Variants in PRIM2 observed in about 807,000 individuals in gnomAD.
PRIM2 encodes DNA primase large subunit.
Under a neutral mutation model 67.3 loss-of-function variants are expected in PRIM2, and 39 were observed. The observed-to-expected ratio is 0.58, with a 90% CI of 0.45 to 0.76. The LOEUF is 0.76. Among genes scored for constraint, PRIM2 ranks in the 30% least tolerant of loss-of-function variants. The pLI is 0.00. For synonymous variants in PRIM2, 143 were observed against 198.7 expected, an observed-to-expected ratio of 0.72 and a Z score of 2.36; for missense variants, 398 against 598.7, an observed-to-expected ratio of 0.66 and a Z score of 3.50.
chr6:57,631,242 A>G (rs1282701437), intron 12 of PRIM2, among the ~76,000 whole-genome samples: 5 of 152,154 alleles, frequency 3.3e-5, no homozygotes, highest in African/African-American at 9.7e-5. Context: ...TTTAAAACAT[A>G]AAAAAGGAAT....
chr6:57,410,331 C>CAAAAA (rs66631802), intron 7 of PRIM2, among the ~76,000 whole-genome samples: 10 of 105,328 alleles, frequency 9.5e-5, no homozygotes, highest in African/African-American at 1.7e-4. Flanking sequence ...AACGCCATCT[C>CAAAAA]AAAAAAAAAA....
rs551948012 is a variant in PRIM2 at position 57,348,568 on chromosome 6, A to G, written c.459+22523A>G. Among the ~76,000 whole-genome samples the G allele has an allele frequency of 2.6e-5, 4 of 152,214 alleles. No individual in the cohort carries two copies. The South Asian group carries it at 6.2e-4, about 24-fold the overall frequency. ...TGGTTCAGTCCAGTAGTTCTGGACT[A>G]TAGGGGTTATAGTCACCCCTGCTGG... On this transcript the variant is annotated intron_variant, in intron 5 of 13. Transcript: ENST00000615550.
chr6:57,271,999 G>C, the PRIM2 span, among the ~76,000 whole-genome samples: 1 of 152,140 alleles, frequency 6.6e-6, no homozygotes, highest in Non-Finnish European at 1.5e-5. Context: ...GAGACAGTTT[G>C]TTATAATTTC....
chr6:57,521,060 T>A (rs1432818485), intron 8 of PRIM2, among the ~76,000 whole-genome samples: 1 of 152,208 alleles, frequency 6.6e-6, no homozygotes, highest in Non-Finnish European at 1.5e-5. Context: ...GGAAAAATAA[T>A]CTACATTCAA....
chr6:57,473,826 A>G lies in PRIM2; in HGVS notation c.694-33561A>G, dbSNP rs1773396912. Among the ~76,000 whole-genome samples, 3 of 152,124 alleles carry G rather than the reference A, an allele frequency of 2.0e-5. No homozygotes were observed. In the South Asian group the frequency reaches 6.2e-4, roughly 31 times the overall value. ...TCTGAGGAATATCTAGTCTAAGTCT[A>G]AGGTCTCTTTGCTAAACTTGAATAA... On this transcript the variant is annotated intron_variant, in intron 7 of 13. Transcript: ENST00000615550.
intron 13 of PRIM2, 132 bp from the exon 14 acceptor site, chr6:57,645,796 T>C (rs1777324052): frequency 3.2e-6 from 2 of 617,976 alleles, no homozygotes; most frequent in South Asian, 2.0e-5. Flanking sequence ...GCTGATTAAG[T>C]GTTAGAATGC....
At chr6:57,259,035 A>T in the PRIM2 span, among the ~76,000 whole-genome samples, 1 of 152,338 alleles carries the variant, frequency 6.6e-6, no homozygotes, top group East Asian at 1.9e-4. Flanking sequence ...CCCATGTACC[A>T]TGGCAAACAC....
intron 7 of PRIM2, among the ~76,000 whole-genome samples, chr6:57,470,763 C>G (rs1379676967): frequency 6.6e-6 from 1 of 152,076 alleles, no homozygotes; most frequent in African/African-American, 2.4e-5. Flanking sequence ...TAGTTACAGC[C>G]TACATCTTGT....
intron 5 of PRIM2, among the ~76,000 whole-genome samples, chr6:57,354,717 A>G (rs1195511944): frequency 6.6e-6 from 1 of 152,258 alleles, no homozygotes. Context: ...AACAAATACC[A>G]GTAGTTAACT....
chr6:57,326,252 T>TAA, intron 5 of PRIM2: 1 of 465,424 alleles, frequency 2.1e-6, no homozygotes, highest in South Asian at 4.1e-5. Context: ...GTCTCACACT[T>TAA]ACTTGCTCTG....
the PRIM2 span, among the ~76,000 whole-genome samples, chr6:57,274,135 C>A: frequency 6.6e-6 from 1 of 152,210 alleles, no homozygotes; most frequent in Non-Finnish European, 1.5e-5. Flanking sequence ...GCTGGGAGAA[C>A]CACTACTCTC....
intron 10 of PRIM2, among the ~76,000 whole-genome samples, chr6:57,591,944 A>G (rs1201416735): frequency 9.9e-5 from 15 of 152,246 alleles, no homozygotes; most frequent in Non-Finnish European, 2.1e-4. Context: ...CGTGAATTAG[A>G]TAAAGAAAAT....
the PRIM2 span, among the ~76,000 whole-genome samples, chr6:57,244,441 T>A: frequency 2.6e-5 from 4 of 152,304 alleles, no homozygotes; most frequent in East Asian, 5.8e-4. Context: ...AGGCTTTATA[T>A]GAAAATAGTG....
the PRIM2 span, among the ~76,000 whole-genome samples, chr6:57,270,149 T>G: frequency 2.0e-5 from 3 of 151,976 alleles, no homozygotes; most frequent in Non-Finnish European, 4.4e-5. Flanking sequence ...TTAAAGTAGT[T>G]TTTTCCAATT....
chr6:57,264,744 G>T, the PRIM2 span, among the ~76,000 whole-genome samples: 15 of 151,826 alleles, frequency 9.9e-5, no homozygotes, highest in African/African-American at 3.6e-4. Flanking sequence ...CTACAGGTGC[G>T]CCCCACCAAG....
At chr6:57,236,042 T>G in the PRIM2 span, among the ~76,000 whole-genome samples, 2 of 152,150 alleles carry the variant, frequency 1.3e-5, no homozygotes, top group African/African-American at 4.8e-5. Flanking sequence ...AAAAAGTAAT[T>G]AATTTGTGTT....
At chr6:57,370,785 G>T (rs1769526358) in intron 5 of PRIM2, among the ~76,000 whole-genome samples, 2 of 145,402 alleles carry the variant, frequency 1.4e-5, no homozygotes, top group Non-Finnish European at 3.0e-5. Flanking sequence ...ACCTTTGCCT[G>T]CCTCCTAGGT....
chr6:57,284,138 T>G, the PRIM2 span, among the ~76,000 whole-genome samples: 3 of 152,114 alleles, frequency 2.0e-5, no homozygotes, highest in Admixed American at 1.3e-4. Context: ...AGAGCAAACT[T>G]TTTTCTGTGG....
At chr6:57,543,625 A>G (rs1775224119) in intron 10 of PRIM2, among the ~76,000 whole-genome samples, 1 of 152,152 alleles carries the variant, frequency 6.6e-6, no homozygotes, top group Non-Finnish European at 1.5e-5. Flanking sequence ...CCTTTCCTAG[A>G]TATACTGCCT....
Sources: gnomAD v4.1 joint callset for allele counts (sites outside exome capture counted in the v4.1 genomes callset) on GRCh38, gnomAD v4.1.1 for gene constraint, MANE v1.5 for transcripts, NCBI Gene and HGNC (gene_info 2026-07-23, HGNC 2026-07-21) for gene names.